PCDHA9: variants seen among roughly 807,000 people sequenced by gnomAD.
PCDHA9 encodes protocadherin alpha 9, also known as protocadherin alpha-9.
A neutral mutation model predicts 62.0 loss-of-function variants in PCDHA9; 62 were observed. The observed-to-expected ratio is 1.00, with a 90% confidence interval of 0.81 to 1.23. The LOEUF is 1.23. PCDHA9 is among the 50% of genes most tolerant of loss of function. The pLI, the probability that PCDHA9 is intolerant of heterozygous loss-of-function variation, is 0.00. For missense variants in PCDHA9, 1,205 were observed against 1,249.8 expected, an observed-to-expected ratio of 0.96 and a Z score of 0.54; for synonymous variants, 557 against 567.6, an observed-to-expected ratio of 0.98 and a Z score of 0.27.
rs184817309 is a variant in PCDHA9, at chr5:140,876,910, T to G, written c.2394+26021T>G. On this transcript the variant is annotated intron_variant, in intron 1 of 3. Coordinates refer to ENST00000532602, the MANE Select transcript of PCDHA9 (RefSeq NM_031857.2). The stretch of plus-strand genomic sequence containing the variant: ...CTGCCACATCTTCACGGTGTCGGCA[T>G]GGGACGCGGACGCGCAGAAGAACGC... 1.1e-5 allele frequency: 18 copies of G among 1,613,860 alleles called. No homozygotes were observed. The South Asian group carries it at 1.4e-4, about 13-fold the overall frequency.
chr5:140,911,907 C>T (rs926309943), intron 1 of PCDHA9, among the ~76,000 whole-genome samples: 2 of 152,110 alleles, frequency 1.3e-5, no homozygotes, highest in Admixed American at 6.6e-5. Flanking sequence ...AGTCAGAGCT[C>T]TCTAGAGGAC....
intron 1 of PCDHA9, chr5:140,877,792 C>A (rs782259804): frequency 1.9e-6 from 3 of 1,613,886 alleles, no homozygotes; most frequent in Non-Finnish European, 2.5e-6. Flanking sequence ...GGCCTTCAGC[C>A]CAAGCCTTCA....
chr5:140,978,182 AC>A (rs1240611427), intron 1 of PCDHA9, among the ~76,000 whole-genome samples: 1 of 152,186 alleles, frequency 6.6e-6, no homozygotes, highest in African/African-American at 2.4e-5. Context: ...AGAGAGGGCA[AC>A]AGATCTTTTC....
At chr5:140,955,065 T>C (rs1258214145) in intron 1 of PCDHA9, among the ~76,000 whole-genome samples, 8 of 152,214 alleles carry the variant, frequency 5.3e-5, no homozygotes, top group Admixed American at 3.3e-4. Context: ...GTCAGGTTTG[T>C]TGAAGATCAG....
chr5:140,915,966 T>C (rs1420384919), intron 1 of PCDHA9, among the ~76,000 whole-genome samples: 1 of 152,160 alleles, frequency 6.6e-6, no homozygotes, highest in Non-Finnish European at 1.5e-5. Flanking sequence ...ATTTGCCTGA[T>C]ATTTTATTTG....
intron 1 of PCDHA9, chr5:140,860,892 C>A (rs1554153919): frequency 6.6e-6 from 1 of 152,368 alleles, no homozygotes; most frequent in Non-Finnish European, 1.5e-5. Flanking sequence ...TGCCCGCCAA[C>A]ACGCCAGGCT....
chr5:140,905,891 G>A (rs1486335678), intron 1 of PCDHA9, among the ~76,000 whole-genome samples: 2 of 152,162 alleles, frequency 1.3e-5, no homozygotes, highest in African/African-American at 4.8e-5. Context: ...TAGGCCATCT[G>A]CAAGCTGAGG....
chr5:140,937,953 T>G (rs955302275), intron 1 of PCDHA9, among the ~76,000 whole-genome samples: 5 of 152,174 alleles, frequency 3.3e-5, no homozygotes, highest in South Asian at 2.1e-4. Flanking sequence ...TGGCTTTTGT[T>G]GAAAGTATAT....
At position 140,905,827 on chromosome 5, in the gene PCDHA9, A is replaced by T. The variant is rs140988076; in HGVS notation, c.2394+54938A>T. 2.2e-3 allele frequency among the ~76,000 whole-genome samples: 329 copies of T among 152,298 alleles called. 1 individual carries two copies. The highest frequency in any genetic ancestry group is 7.5e-3 in the African/African-American group (311 of 41,554). The stretch of plus-strand genomic sequence containing the variant: ...CAGAATTAATAGGCTAGATGTGTAT[A>T]TAAAGGGGAGTTTATTAAGGAGTAT... On this transcript the variant is annotated intron_variant, in intron 1 of 3. Coordinates refer to ENST00000532602, the MANE Select transcript of PCDHA9 (RefSeq NM_031857.2).
chr5:141,009,889 G>A lies in PCDHA9; in HGVS notation c.2805G>A (p.Gln935=). ...KKKKKKGNKT[Q]EKKEKGNSTT... is the part of the protein sequence containing the mutation. ...AAAAGAAGAAGGGTAACAAGACCCAGGAGAAAAAAGAGAAAGGGAACAGCA... is the reference window on the plus strand; with the variant it reads ...AAAAGAAGAAGGGTAACAAGACCCAAGAGAAAAAAGAGAAAGGGAACAGCA... Residue 935 remains glutamine, a synonymous_variant, in exon 4 of 4, where the codon CAG becomes CAA. Transcript: ENST00000532602. 6.2e-7 allele frequency: 1 copy of A among 1,612,866 alleles called. No homozygotes were observed. Among genetic ancestry groups the A allele is most frequent in the South Asian group, 1.1e-5 (1 of 90,852 alleles).
chr5:140,955,922 GTTCA>G (rs1413540621), intron 1 of PCDHA9, among the ~76,000 whole-genome samples: 2 of 152,138 alleles, frequency 1.3e-5, no homozygotes, highest in African/African-American at 4.8e-5. Flanking sequence ...GTGAATGGGA[GTTCA>G]TTCATAATAT....
In PCDHA9 at chr5:140,906,646, G is replaced by T. The variant is rs1473127161; in HGVS notation, c.2394+55757G>T. On this transcript the variant is annotated intron_variant, in intron 1 of 3. Coordinates refer to ENST00000532602, the MANE Select transcript of PCDHA9 (RefSeq NM_031857.2). ...TCAGCAAGCACCTCAGCAGGTAGTG[G>T]TTTTTTCCTGGTGTAGTGACCCAAA... Among the ~76,000 whole-genome samples the T allele has an allele frequency of 2.0e-5, 3 of 152,192 alleles. No individual in the cohort carries two copies. In the East Asian group the frequency reaches 5.8e-4, roughly 29 times the overall value.
chr5:140,869,570 G>A, intron 1 of PCDHA9: 1 of 1,614,148 alleles, frequency 6.2e-7, no homozygotes. Flanking sequence ...CCACTAGAGG[G>A]AGCTTCTGAT....
At chr5:140,884,354 G>A (rs2060118274) in intron 1 of PCDHA9, 1 of 1,613,952 alleles carries the variant, frequency 6.2e-7, no homozygotes, top group African/African-American at 1.3e-5. Context: ...GCTGGTGGAT[G>A]TCAATGTTTA....
intron 1 of PCDHA9, among the ~76,000 whole-genome samples, chr5:140,891,039 A>AC (rs143686625): frequency 6.6e-6 from 1 of 152,040 alleles, no homozygotes; most frequent in East Asian, 1.9e-4. Flanking sequence ...CTTAGGTGTG[A>AC]CCCCCACAGC....
intron 1 of PCDHA9, among the ~76,000 whole-genome samples, chr5:140,907,643 A>C (rs2073513749): frequency 6.6e-6 from 1 of 152,208 alleles, no homozygotes; most frequent in African/African-American, 2.4e-5. Flanking sequence ...GCTGCTGGCA[A>C]ATTGGGCACT....
intron 1 of PCDHA9, chr5:140,878,062 T>C (rs1180266527): frequency 2.5e-6 from 1 of 403,164 alleles, no homozygotes; most frequent in East Asian, 4.6e-5. Context: ...ACACTTAATA[T>C]TTTTCTTTTT....
chr5:140,883,937 G>C, intron 1 of PCDHA9: 3 of 1,613,414 alleles, frequency 1.9e-6, no homozygotes, highest in Non-Finnish European at 2.5e-6. Context: ...GTTCGTGCTG[G>C]ACGAGAACGA....
intron 1 of PCDHA9, chr5:140,858,285 G>T: frequency 6.3e-7 from 1 of 1,597,520 alleles, no homozygotes; most frequent in Non-Finnish European, 8.6e-7. Flanking sequence ...GTGGGGAGCT[G>T]GTCTTACTCG....
Sources: allele counts gnomAD v4.1 joint callset (sites outside exome capture counted in the v4.1 genomes callset), GRCh38; gene constraint gnomAD v4.1.1; transcripts MANE v1.5; gene names NCBI Gene and HGNC (gene_info 2026-07-23, HGNC 2026-07-21).